The following SREK1IP1 variants were observed in gnomAD, a reference collection of about 807,000 sequenced individuals.
SREK1IP1 encodes the protein SREK1 interacting protein 1.
SREK1IP1 carries 12 observed loss-of-function variants against 22.8 expected under a neutral mutation model. That is an observed-to-expected ratio of 0.53 (90% CI 0.34 to 0.85). The LOEUF (loss-of-function observed/expected upper bound fraction) is 0.85, where lower values mean the gene tolerates loss of function less well. SREK1IP1 is among the 40% of genes least tolerant of loss of function. SREK1IP1 has a pLI of 0.02. For missense variants in SREK1IP1, 147 were observed against 171.8 expected (o/e 0.86, Z 0.81); for synonymous variants, 53 against 52.7 (o/e 1.01, Z -0.02).
intron 4 of SREK1IP1, chr5:64,727,671 CAT>C (rs1742299518): frequency 6.6e-6 from 1 of 151,512 alleles, no homozygotes; most frequent in Admixed American, 6.6e-5. Context: ...CAGCCTTCCA[CAT>C]AGCTGGGAAC....
At chr5:64,747,989 C>G (rs564797800) in intron 2 of SREK1IP1, among the ~76,000 whole-genome samples, 1 of 152,124 alleles carries the variant, frequency 6.6e-6, no homozygotes, top group Admixed American at 6.5e-5. Flanking sequence ...AGTAATTCTG[C>G]TCCTATGTAC....
At chr5:64,761,961 G>C (rs1483104894) in intron 1 of SREK1IP1, among the ~76,000 whole-genome samples, 1 of 152,152 alleles carries the variant, frequency 6.6e-6, no homozygotes, top group African/African-American at 2.4e-5. Flanking sequence ...AAAATAAAAG[G>C]ACTGAGAAAA....
At chr5:64,738,837 A>T (rs1742508947) in intron 3 of SREK1IP1, among the ~76,000 whole-genome samples, 1 of 152,172 alleles carries the variant, frequency 6.6e-6, no homozygotes, top group Non-Finnish European at 1.5e-5. Context: ...TAAAATGAAG[A>T]TATCTGAAAA....
chr5:64,742,476 A>G (rs192802668), intron 2 of SREK1IP1, among the ~76,000 whole-genome samples: 46 of 152,354 alleles, frequency 3.0e-4, no homozygotes, highest in African/African-American at 1.1e-3. Context: ...TTCAATGTTC[A>G]AAACAACCAA....
At chr5:64,765,499 C>T (rs767311800) in intron 1 of SREK1IP1, among the ~76,000 whole-genome samples, 10 of 152,138 alleles carry the variant, frequency 6.6e-5, no homozygotes, top group Non-Finnish European at 1.3e-4. Flanking sequence ...TAGATTAGCC[C>T]TATTTTCCTT....
intron 4 of SREK1IP1, among the ~76,000 whole-genome samples, chr5:64,725,993 G>A (rs1408822588): frequency 6.6e-6 from 1 of 150,962 alleles, no homozygotes; most frequent in Non-Finnish European, 1.5e-5. Flanking sequence ...AGCCTCCCAA[G>A]TAGCTGGGAT....
rs1474155728 is a variant in SREK1IP1, at chr5:64,721,900, TG to T, written c.*2483del. 6.6e-6 allele frequency: 1 copy of T among 152,176 alleles called. No individual in the cohort carries two copies. Among genetic ancestry groups the T allele is most frequent in the African/African-American group, 2.4e-5 (1 of 41,440 alleles). The allele number at this position is 152,176 out of a possible 1,614,324, so 9.4% of individuals were successfully genotyped here. A position where few individuals can be genotyped will look rare whatever the true frequency, so the allele number is the denominator to read the frequency against. The stretch of plus-strand genomic sequence containing the variant: ...CCTTGAAGTGATTTCAGAGATAATC[TG>T]GTACAATATTTTATAGACGAAAGAC... On this transcript the variant is annotated 3_prime_UTR_variant, in exon 5 of 5. Transcript: ENST00000513458.
intron 1 of SREK1IP1, among the ~76,000 whole-genome samples, chr5:64,755,117 G>A (rs1742815289): frequency 6.6e-6 from 1 of 151,784 alleles, no homozygotes; most frequent in South Asian, 2.1e-4. Context: ...TGGTGGGAAT[G>A]TAAATTAGTT....
At position 64,766,247 on chromosome 5, in the gene SREK1IP1, A is replaced by G. The variant is rs1324679102; in HGVS notation, c.13+2258T>C. ...ATTCCTATGTCTGACTAACCTCAAC[A>G]CAACAAGCCCCAGACTGGATGTCAT... On this transcript the variant is annotated intron_variant, in intron 1 of 4. Coordinates refer to ENST00000513458, the MANE Select transcript of SREK1IP1 (RefSeq NM_173829.4). Among the ~76,000 whole-genome samples the G allele has an allele frequency of 2.0e-5, 3 of 152,204 alleles. No homozygotes were observed. In the East Asian group the frequency reaches 5.8e-4, roughly 29 times the overall value.
rs1418461370 is a variant in SREK1IP1, at chr5:64,722,819, C to A, written c.*1565G>T. On this transcript the variant is annotated 3_prime_UTR_variant, in exon 5 of 5. Coordinates refer to ENST00000513458, the MANE Select transcript of SREK1IP1 (RefSeq NM_173829.4). ...GGATACAGCTTCCCTAGAATTTAAG[C>A]ATGGGTAAGCATATGTTAAGAGGAG... The A allele has an allele frequency of 6.6e-6, 1 of 152,180 alleles. No individual in the cohort carries two copies. Among genetic ancestry groups the A allele is most frequent in the Non-Finnish European group, 1.5e-5 (1 of 68,028 alleles). 9.4% of individuals were successfully genotyped at this position (152,180 alleles called of 1,614,324 possible).
At chr5:64,752,351 T>C (rs1441903429) in intron 2 of SREK1IP1, among the ~76,000 whole-genome samples, 4 of 151,734 alleles carry the variant, frequency 2.6e-5, no homozygotes, top group East Asian at 1.9e-4. Flanking sequence ...CGGGGTTTCA[T>C]CGGGTTACCT....
intron 1 of SREK1IP1, among the ~76,000 whole-genome samples, chr5:64,765,491 G>T (rs1046045352): frequency 6.6e-6 from 1 of 152,112 alleles, no homozygotes; most frequent in Admixed American, 6.5e-5. Flanking sequence ...GAAAAGTTTA[G>T]ATTAGCCCTA....
intron 2 of SREK1IP1, among the ~76,000 whole-genome samples, chr5:64,750,230 C>T (rs1742717616): frequency 6.6e-6 from 1 of 152,180 alleles, no homozygotes; most frequent in African/African-American, 2.4e-5. Context: ...CAATATTAAA[C>T]TCTGACTGTG....
In SREK1IP1 at chr5:64,742,801, T is replaced by A. The variant is rs186150571; in HGVS notation, c.62-1601A>T. On this transcript the variant is annotated intron_variant, in intron 2 of 4. Transcript: ENST00000513458. ...GTTGGCCTTTGAATATTCTTAGTTC[T>A]TTATTTTTTTCTAGTATATTAATGT... is the stretch of plus-strand genomic sequence containing the variant. 2.0e-5 allele frequency among the ~76,000 whole-genome samples: 3 copies of A among 152,324 alleles called. No individual in the cohort carries two copies. In the East Asian group the frequency reaches 5.8e-4, roughly 29 times the overall value.
In SREK1IP1 at chr5:64,719,340, C is replaced by T. The variant is rs1471769817; in HGVS notation, c.*5044G>A. On this transcript the variant is annotated 3_prime_UTR_variant, in exon 5 of 5. Transcript: ENST00000513458. ...ATACAATTTTGCAAAGGTTTAAATA[C>T]TAAAATTGCTTAAAGTATATGTTAA... 1 of 152,110 alleles carries T rather than the reference C, an allele frequency of 6.6e-6. No homozygotes were observed. The highest frequency in any genetic ancestry group is 1.5e-5 in the Non-Finnish European group (1 of 68,018). The allele number at this position is 152,110 out of a possible 1,614,324, so 9.4% of individuals were successfully genotyped here.
rs1742219109 is a variant in SREK1IP1, at chr5:64,724,033, G to A, written c.*351C>T. 1 of 170,012 alleles carries A rather than the reference G, an allele frequency of 5.9e-6. No individual in the cohort carries two copies. Among genetic ancestry groups the A allele is most frequent in the Non-Finnish European group, 1.2e-5 (1 of 80,106 alleles). 10.5% of individuals were successfully genotyped at this position (170,012 alleles called of 1,614,324 possible). A position where few individuals can be genotyped will look rare whatever the true frequency, so the allele number is the denominator to read the frequency against. ...CCTGATCCAGCAATACTCATTAACT[G>A]CTAGGTAGATGACCCATGTTGATGG... On this transcript the variant is annotated 3_prime_UTR_variant, in exon 5 of 5. Coordinates refer to ENST00000513458, the MANE Select transcript of SREK1IP1 (RefSeq NM_173829.4).
In SREK1IP1 at chr5:64,758,203, C is replaced by G. The variant is rs1742882453; in HGVS notation, c.14-3841G>C. The stretch of plus-strand genomic sequence containing the variant: ...TCTTTTTTTGAGACTGAGTCTTGCT[C>G]TATCACCCAAGCTGGAGTGCAGTGG... On this transcript the variant is annotated intron_variant, in intron 1 of 4. Transcript: ENST00000513458. Among the ~76,000 whole-genome samples, 4 of 152,026 alleles carry G rather than the reference C, an allele frequency of 2.6e-5. No individual in the cohort carries two copies. In the South Asian group the frequency reaches 8.3e-4, roughly 32 times the overall value.
Position 64,720,063 on chromosome 5 carries a change from ACAGGTTAAGCCAAATTTTAAAAGC to A in SREK1IP1, c.*4297_*4320del, listed in dbSNP as rs1397472690. 1.3e-5 allele frequency: 2 copies of A among 152,260 alleles called. No individual in the cohort carries two copies. Among genetic ancestry groups the A allele is most frequent in the African/African-American group, 4.8e-5 (2 of 41,462 alleles). 9.4% of individuals were successfully genotyped at this position (152,260 alleles called of 1,614,324 possible). ...TGTAACTCTGAAGCAGTTGTGCTTC[ACAGGTTAAGCCAAATTTTAAAAGC>A]AAGGGGCCTTATTAAATTACAGCAC... is the stretch of plus-strand genomic sequence containing the variant. On this transcript the variant is annotated 3_prime_UTR_variant, in exon 5 of 5. Transcript: ENST00000513458.
At chr5:64,726,251 C>T (rs1480792529) in intron 4 of SREK1IP1, among the ~76,000 whole-genome samples, 1 of 151,958 alleles carries the variant, frequency 6.6e-6, no homozygotes, top group Admixed American at 6.6e-5. Context: ...TAAGTGTGCA[C>T]AGAAAAGTTA....
Sources: allele counts gnomAD v4.1 joint callset (sites outside exome capture counted in the v4.1 genomes callset), GRCh38; gene constraint gnomAD v4.1.1; transcripts MANE v1.5; gene names NCBI Gene and HGNC (gene_info 2026-07-23, HGNC 2026-07-21).